PHACTR3: variants seen among roughly 807,000 people sequenced by gnomAD.
PHACTR3 encodes phosphatase and actin regulator 3.
PHACTR3 carries 16 observed loss-of-function variants against 66.8 expected under a neutral mutation model. That is an observed-to-expected ratio of 0.24 (90% CI 0.16 to 0.36). PHACTR3 has a LOEUF of 0.36. Ranked by LOEUF, PHACTR3 falls within the 10% of genes least tolerant of loss-of-function variation. The pLI is 1.00. For missense variants in PHACTR3, 647 were observed against 719.9 expected, an observed-to-expected ratio of 0.90 and a Z score of 1.16; for synonymous variants, 323 against 292.1, an observed-to-expected ratio of 1.11 and a Z score of -1.08.
At chr20:59,838,536 A>G (rs1276750066) in intron 9 of PHACTR3, among the ~76,000 whole-genome samples, 2 of 152,210 alleles carry the variant, frequency 1.3e-5, no homozygotes, top group African/African-American at 2.4e-5. Flanking sequence ...GCCAGGGACT[A>G]TATTCAGTAC....
At chr20:59,661,011 C>T (rs1354468723) in intron 1 of PHACTR3, among the ~76,000 whole-genome samples, 1 of 152,206 alleles carries the variant, frequency 6.6e-6, no homozygotes, top group Non-Finnish European at 1.5e-5. Flanking sequence ...GTCTGTTTGA[C>T]TGTATCTCTT....
intron 1 of PHACTR3, among the ~76,000 whole-genome samples, chr20:59,664,001 T>A (rs1305685608): frequency 2.0e-5 from 3 of 152,230 alleles, no homozygotes; most frequent in Non-Finnish European, 4.4e-5. Flanking sequence ...CTCTTTAGCA[T>A]AATTTATTGA....
At chr20:59,718,008 T>G (rs1290195513) in intron 1 of PHACTR3, among the ~76,000 whole-genome samples, 1 of 152,204 alleles carries the variant, frequency 6.6e-6, no homozygotes, top group African/African-American at 2.4e-5. Flanking sequence ...GGAAGGAAGC[T>G]TGGGTTTGTA....
intron 1 of PHACTR3, among the ~76,000 whole-genome samples, chr20:59,707,263 T>G (rs767841178): frequency 2.8e-4 from 43 of 152,294 alleles, no homozygotes; most frequent in Admixed American, 5.9e-4. Context: ...ACTCATATTC[T>G]CATAGCTTAG....
chr20:59,664,473 T>C (rs1001716907), intron 1 of PHACTR3, among the ~76,000 whole-genome samples: 3 of 152,146 alleles, frequency 2.0e-5, no homozygotes, highest in African/African-American at 7.2e-5. Context: ...CGTAGCCGTT[T>C]CCTGGTGTGG....
At chr20:59,757,090 T>A (rs1207482520) in intron 4 of PHACTR3, among the ~76,000 whole-genome samples, 1 of 152,258 alleles carries the variant, frequency 6.6e-6, no homozygotes, top group East Asian at 1.9e-4. Flanking sequence ...TGCAACCCGC[T>A]GGCATGGTTC....
chr20:59,700,662 G>C (rs916932571), intron 1 of PHACTR3, among the ~76,000 whole-genome samples: 3 of 152,332 alleles, frequency 2.0e-5, no homozygotes, highest in African/African-American at 7.2e-5. Context: ...AGAGTGAGCA[G>C]GTGGGGGCAT....
chr20:59,687,265 GTGA>G (rs1378544217), intron 1 of PHACTR3, among the ~76,000 whole-genome samples: 9 of 152,006 alleles, frequency 5.9e-5, no homozygotes, highest in East Asian at 3.9e-4. Flanking sequence ...GGTGATGATG[GTGA>G]TGATGATCAT....
chr20:59,660,448 T>G (rs186304116), intron 1 of PHACTR3, among the ~76,000 whole-genome samples: 1 of 152,202 alleles, frequency 6.6e-6, no homozygotes, highest in Non-Finnish European at 1.5e-5. Context: ...GAGCCGAGAT[T>G]GCGCCACTGC....
chr20:59,675,179 C>T (rs1241725970), intron 1 of PHACTR3, among the ~76,000 whole-genome samples: 2 of 131,232 alleles, frequency 1.5e-5, no homozygotes, highest in African/African-American at 3.1e-5. Context: ...CTCCTCCCCT[C>T]CACTTACCCC....
chr20:59,786,222 G>A (rs2040910044), intron 7 of PHACTR3, among the ~76,000 whole-genome samples: 1 of 152,242 alleles, frequency 6.6e-6, no homozygotes, highest in Non-Finnish European at 1.5e-5. Flanking sequence ...GTGTCTGGGG[G>A]CCTTGGCTGG....
At chr20:59,587,741 T>TGGGGCTGGAGCC (rs1450457244) in intron 1 of PHACTR3, among the ~76,000 whole-genome samples, 2 of 151,542 alleles carry the variant, frequency 1.3e-5, no homozygotes, top group East Asian at 3.9e-4. Flanking sequence ...CAGCTGGAGC[T>TGGGGCTGGAGCC]GGGGCTGGAG....
intron 8 of PHACTR3, among the ~76,000 whole-genome samples, chr20:59,816,818 G>T (rs1237821564): frequency 2.0e-5 from 3 of 152,174 alleles, no homozygotes; most frequent in Non-Finnish European, 4.4e-5. Flanking sequence ...CAGGTTAATG[G>T]CTGCTGGGGT....
intron 1 of PHACTR3, among the ~76,000 whole-genome samples, chr20:59,616,258 T>A (rs1471444132): frequency 1.3e-5 from 2 of 152,114 alleles, no homozygotes; most frequent in African/African-American, 4.8e-5. Flanking sequence ...CTGGTCACCA[T>A]GAGCTAGCAT....
intron 1 of PHACTR3, among the ~76,000 whole-genome samples, chr20:59,616,342 A>G (rs1476064106): frequency 6.6e-6 from 1 of 152,054 alleles, no homozygotes; most frequent in African/African-American, 2.4e-5. Flanking sequence ...GGAGGTTCTG[A>G]TCTGGTGCAG....
At chr20:59,629,435 G>A (rs1440787415) in intron 1 of PHACTR3, among the ~76,000 whole-genome samples, 2 of 152,226 alleles carry the variant, frequency 1.3e-5, no homozygotes, top group Non-Finnish European at 2.9e-5. Context: ...CAGACTGGGG[G>A]ATTCCACAGC....
At chr20:59,664,587 C>T (rs1357348645) in intron 1 of PHACTR3, among the ~76,000 whole-genome samples, 1 of 152,230 alleles carries the variant, frequency 6.6e-6, no homozygotes, top group African/African-American at 2.4e-5. Context: ...CTTCCCAACT[C>T]CAGACATCCC....
At chr20:59,700,572 G>A (rs909237152) in intron 1 of PHACTR3, among the ~76,000 whole-genome samples, 23 of 152,164 alleles carry the variant, frequency 1.5e-4, no homozygotes, top group African/African-American at 5.3e-4. Flanking sequence ...GTCTACAAGG[G>A]TAGTGCTTAA....
chr20:59,779,025 C>T (rs1415080419), intron 7 of PHACTR3, among the ~76,000 whole-genome samples: 1 of 152,188 alleles, frequency 6.6e-6, no homozygotes, highest in East Asian at 1.9e-4. Context: ...GGGTGAGGCC[C>T]CCTTTCCTCC....
Sources: allele counts gnomAD v4.1 joint callset (sites outside exome capture counted in the v4.1 genomes callset), GRCh38; gene constraint gnomAD v4.1.1; transcripts MANE v1.5; gene names NCBI Gene and HGNC (gene_info 2026-07-23, HGNC 2026-07-21).